HAS3: variants seen among roughly 807,000 people sequenced by gnomAD.
The protein encoded by HAS3 is HA synthase 3.
In HAS3, 27 loss-of-function variants were observed where a neutral mutation model predicts 50.3. The observed-to-expected ratio is 0.54, with a 90% confidence interval of 0.40 to 0.74. The LOEUF is 0.74. Among genes scored for constraint, HAS3 ranks in the 30% least tolerant of loss-of-function variants. The pLI, the probability that HAS3 is intolerant of heterozygous loss-of-function variation, is 0.00. For synonymous variants in HAS3, 339 were observed against 310.9 expected, an observed-to-expected ratio of 1.09 and a Z score of -0.95; for missense variants, 517 against 742.8, an observed-to-expected ratio of 0.70 and a Z score of 3.53.
chr16:69,097,461 G>C, the HAS3 span, among the ~76,000 whole-genome samples: 1 of 144,988 alleles, frequency 6.9e-6, no homozygotes, highest in South Asian at 2.2e-4. Context: ...AAAAAAAAAA[G>C]AGCCAAACAA....
rs140442070 is a variant in HAS3, at chr16:69,107,550, G to C, written c.-1+1763G>C. The C allele has an allele frequency of 5.5e-5, 54 of 985,384 alleles. No homozygotes were observed. Among genetic ancestry groups the C allele is most frequent in the Non-Finnish European group, 2.4e-5 (20 of 830,004 alleles). The allele number at this position is 985,384 out of a possible 1,614,324, so 61.0% of individuals were successfully genotyped here. The stretch of plus-strand genomic sequence containing the variant: ...GATGAGAAGCGTGGCGAGTGCGTTC[G>C]CGGCTGCTTTGACCTGGTGGGCGCC... On this transcript the variant is annotated intron_variant, in intron 1 of 3. Coordinates refer to ENST00000569188, the MANE Select transcript of HAS3 (RefSeq NM_001199280.2). This position sits in a 1 kb window ranked among gnomAD's most constrained non-coding sequence, Gnocchi z 5.5.
rs1961242483 is a variant in HAS3, at chr16:69,117,572, C to T, written c.*2306C>T. ...TAATTTGTAAACATATTTATTTTTA[C>T]CTGCTTTTTTTTTTTTTTTTAATTT... On this transcript the variant is annotated 3_prime_UTR_variant, in exon 4 of 4. Transcript: ENST00000569188. 3.7e-6 allele frequency: 3 copies of T among 815,896 alleles called. No individual in the cohort carries two copies. Among genetic ancestry groups the T allele is most frequent in the Admixed American group, 7.8e-5 (1 of 12,798 alleles). 50.5% of individuals were successfully genotyped at this position (815,896 alleles called of 1,614,324 possible). A position where few individuals can be genotyped will look rare whatever the true frequency, so the allele number is the denominator to read the frequency against.
Position 69,117,047 on chromosome 16 carries a change from T to TC in HAS3, c.*1782dup, listed in dbSNP as rs1452548792. 1.4e-5 allele frequency: 14 copies of TC among 985,524 alleles called. No homozygotes were observed. In the African/African-American group the frequency reaches 2.3e-4, roughly 16 times the overall value. The allele number at this position is 985,524 out of a possible 1,614,324, so 61.0% of individuals were successfully genotyped here. On this transcript the variant is annotated 3_prime_UTR_variant, in exon 4 of 4. Coordinates refer to ENST00000569188, the MANE Select transcript of HAS3 (RefSeq NM_001199280.2). The stretch of plus-strand genomic sequence containing the variant: ...TAACAGTTGCCACATCACACAGACC[T>TC]CGAGTTTCTGGTAAGACTGCTGGTT...
In HAS3 at chr16:69,109,390, C is replaced by T. The variant is rs369643005; in HGVS notation, c.1-6C>T. On this transcript the variant is annotated splice_polypyrimidine_tract_variant and splice_region_variant and intron_variant, in intron 1 of 3. Coordinates refer to ENST00000569188, the MANE Select transcript of HAS3 (RefSeq NM_001199280.2). This position sits in a 1 kb window ranked among gnomAD's most constrained non-coding sequence, Gnocchi z 5.3. ...TGACCCTTCATCTCCTGCCTTCTCTCGCCAGATGCCGGTGCAGCTGACGAC... is the reference window on the plus strand; with the variant it reads ...TGACCCTTCATCTCCTGCCTTCTCTTGCCAGATGCCGGTGCAGCTGACGAC... 1,005 of 1,594,458 alleles carry T rather than the reference C, an allele frequency of 6.3e-4. 16 individuals are homozygous for T. The South Asian group carries it at 9.3e-3, about 15-fold the overall frequency.
chr16:69,094,453 C>T, the HAS3 span, among the ~76,000 whole-genome samples: 4 of 152,208 alleles, frequency 2.6e-5, no homozygotes, highest in Non-Finnish European at 4.4e-5. Flanking sequence ...TGAAGAGAAG[C>T]GAATGGGAAT....
At chr16:69,099,356 T>G in the HAS3 span, among the ~76,000 whole-genome samples, 5 of 149,046 alleles carry the variant, frequency 3.4e-5, no homozygotes, top group African/African-American at 1.2e-4. Flanking sequence ...TTAGATGGTG[T>G]CTTGCTCTGT....
chr16:69,111,842 C>T (rs1961013012), intron 2 of HAS3, among the ~76,000 whole-genome samples: 1 of 152,178 alleles, frequency 6.6e-6, no homozygotes, highest in Non-Finnish European at 1.5e-5. Context: ...TCATCTATTC[C>T]CTTCAAGCAC....
chr16:69,085,724 C>T, the HAS3 span, among the ~76,000 whole-genome samples: 481 of 150,898 alleles, frequency 3.2e-3, 4 homozygotes, highest in African/African-American at 0.011. Context: ...ACCACAGGTG[C>T]GCACCACCAT....
At position 69,106,240 on chromosome 16, in the gene HAS3, C is replaced by CGCGGA. The variant is rs981939839; in HGVS notation, c.-1+463_-1+467dup. On this transcript the variant is annotated intron_variant, in intron 1 of 3. Coordinates refer to ENST00000569188, the MANE Select transcript of HAS3 (RefSeq NM_001199280.2). This position sits in a 1 kb window ranked among gnomAD's most constrained non-coding sequence, Gnocchi z 5.5. ...AGGCGGCAGTCGGAGCGCGCGGCGG[C>CGCGGA]GCGGAGCGGAGCGGGAGGAGGGGCA... The CGCGGA allele has an allele frequency of 1.3e-5, 2 of 151,926 alleles. No homozygotes were observed. The highest frequency in any genetic ancestry group is 6.6e-5 in the Admixed American group (1 of 15,206). The allele number at this position is 151,926 out of a possible 1,614,324, so 9.4% of individuals were successfully genotyped here. A position where few individuals can be genotyped will look rare whatever the true frequency, so the allele number is the denominator to read the frequency against.
chr16:69,116,350 C>G lies in HAS3; in HGVS notation c.*1084C>G, dbSNP rs140162159. On this transcript the variant is annotated 3_prime_UTR_variant, in exon 4 of 4. Transcript: ENST00000569188. ...AGCGTGTTCTCAGCACATATGGGAACTATGAGGAGCCTCTGATCAAATTGG... is the reference window on the plus strand; with the variant it reads ...AGCGTGTTCTCAGCACATATGGGAAGTATGAGGAGCCTCTGATCAAATTGG... 1,265 of 985,882 alleles carry G rather than the reference C, an allele frequency of 1.3e-3. 17 individuals are homozygous for G. In the African/African-American group the frequency reaches 0.02, roughly 16 times the overall value. The allele number at this position is 985,882 out of a possible 1,614,324, so 61.1% of individuals were successfully genotyped here. A position where few individuals can be genotyped will look rare whatever the true frequency, so the allele number is the denominator to read the frequency against.
At chr16:69,118,456 G>A (rs968445391), downstream of HAS3, 2 of 1,594,096 alleles carry the variant, frequency 1.3e-6, no homozygotes, top group African/African-American at 2.7e-5. Flanking sequence ...TTTCTAGAGA[G>A]CAGTGAGCTG....
rs780770039 is a variant in HAS3, at chr16:69,109,646, G to A, written c.251G>A (p.Arg84Gln). Residue 84 changes from arginine to glutamine, a missense_variant, in exon 2 of 4, where the codon CGG becomes CAG. Arg to Gln is a conservative substitution (Grantham distance 43, BLOSUM62 1). Transcript: ENST00000569188. This position sits in a 1 kb window ranked among gnomAD's most constrained non-coding sequence, Gnocchi z 5.3. Reference protein sequence around the residue: ...GQALKLPSPRRGSVALCIAAY... With the variant: ...GQALKLPSPRQGSVALCIAAY... ...GCCCTGAAGCTGCCCTCCCCGCGGC[G>A]GGGCTCGGTGGCACTGTGCATTGCC... 42 of 1,609,890 alleles carry A rather than the reference G, an allele frequency of 2.6e-5. No homozygotes were observed. The highest frequency in any genetic ancestry group is 3.3e-5 in the Non-Finnish European group (39 of 1,179,634).
In HAS3 at chr16:69,114,331, A is replaced by C; in HGVS notation, c.739-12A>C. The C allele has an allele frequency of 6.3e-7, 1 of 1,584,754 alleles. No individual in the cohort carries two copies. The highest frequency in any genetic ancestry group is 8.5e-7 in the Non-Finnish European group (1 of 1,170,348). On this transcript the variant is annotated splice_polypyrimidine_tract_variant and intron_variant, in intron 3 of 3. Coordinates refer to ENST00000569188, the MANE Select transcript of HAS3 (RefSeq NM_001199280.2). This position sits in a 1 kb window ranked among gnomAD's most constrained non-coding sequence, Gnocchi z 6.4. Reference sequence around the variant, plus strand: ...CAACCTTAGGAGGCCCAGCATCTCTATTCCCTTGCAGATCCTCAACAAGTA... The same window carrying C: ...CAACCTTAGGAGGCCCAGCATCTCTCTTCCCTTGCAGATCCTCAACAAGTA...
chr16:69,104,992 GTTTT>G (rs565397720), upstream of HAS3, among the ~76,000 whole-genome samples: 278 of 81,894 alleles, frequency 3.4e-3, no homozygotes, highest in Non-Finnish European at 4.8e-3. Context: ...CTGTTTTTTG[GTTTT>G]TTTTTTTTTT....
upstream of HAS3, among the ~76,000 whole-genome samples, chr16:69,105,004 T>G (rs1466963419): frequency 3.7e-3 from 277 of 74,972 alleles, 1 homozygote; most frequent in Non-Finnish European, 5.9e-3. Flanking sequence ...TTTTTTTTTT[T>G]TTTTTTTTTT....
chr16:69,118,421 G>A (rs375441522), downstream of HAS3: 4 of 1,613,092 alleles, frequency 2.5e-6, no homozygotes, highest in African/African-American at 5.3e-5. Context: ...AGCTACGGAA[G>A]CATGGTCCGT....
chr16:69,105,329 C>A (rs1481322785), upstream of HAS3, among the ~76,000 whole-genome samples: 1 of 152,116 alleles, frequency 6.6e-6, no homozygotes, highest in African/African-American at 2.4e-5. Context: ...ACTCTCCCCC[C>A]TCCTCGATCT....
In HAS3 at chr16:69,109,875, G is replaced by A; in HGVS notation, c.480G>A (p.Glu160=). The A allele has an allele frequency of 6.2e-7, 1 of 1,613,878 alleles. No homozygotes were observed. Among genetic ancestry groups the A allele is most frequent in the Non-Finnish European group, 8.5e-7 (1 of 1,180,052 alleles). The change falls in exon 2 of 4, where the codon GAG becomes GAA. Residue 160 remains glutamate (E), a synonymous_variant. Transcript: ENST00000569188. This position sits in a 1 kb window ranked among gnomAD's most constrained non-coding sequence, Gnocchi z 5.3. ...VWRSNFHEAG[E]GETEASLQEG... Reference sequence around the variant, plus strand: ...GCAGCAACTTCCATGAGGCAGGCGAGGGTGAGACGGAGGCCAGCCTGCAGG... The same window carrying A: ...GCAGCAACTTCCATGAGGCAGGCGAAGGTGAGACGGAGGCCAGCCTGCAGG...
At chr16:69,108,818 T>C (rs189326473) in intron 1 of HAS3, among the ~76,000 whole-genome samples, 3 of 152,348 alleles carry the variant, frequency 2.0e-5, no homozygotes, top group Admixed American at 2.0e-4. Context: ...TGCTGCTTTT[T>C]CCCAATGCCC....
Sources: allele counts gnomAD v4.1 joint callset (sites outside exome capture counted in the v4.1 genomes callset), GRCh38; gene constraint gnomAD v4.1.1; non-coding constraint Gnocchi (gnomAD v3.1); transcripts MANE v1.5; gene names NCBI Gene and HGNC (gene_info 2026-07-23, HGNC 2026-07-21).